The following DPYD variants were observed in gnomAD, a reference collection of about 807,000 sequenced individuals.
DPYD encodes the protein dihydropyrimidine dehydrogenase.
In DPYD, 109 loss-of-function variants were observed where a neutral mutation model predicts 116.2. That is an observed-to-expected ratio of 0.94 (90% CI 0.80 to 1.10). The LOEUF is 1.10. DPYD is among the 50% of genes least tolerant of loss of function. The pLI, the probability that DPYD is intolerant of heterozygous loss-of-function variation, is 0.00. For missense variants in DPYD, 1,302 were observed against 1,254.5 expected (o/e 1.04, Z -0.57); for synonymous variants, 440 against 432.0 (o/e 1.02, Z -0.23).
At chr1:97,327,746 C>T (rs1032029664) in intron 16 of DPYD, among the ~76,000 whole-genome samples, 1 of 151,192 alleles carries the variant, frequency 6.6e-6, no homozygotes, top group African/African-American at 2.4e-5. Context: ...ATAGATACAC[C>T]CTATTTTACT....
At chr1:97,330,644 G>T (rs915066870) in intron 16 of DPYD, among the ~76,000 whole-genome samples, 5 of 152,184 alleles carry the variant, frequency 3.3e-5, no homozygotes, top group African/African-American at 1.2e-4. Flanking sequence ...GGCAAGGGAT[G>T]AGGGGGTAGA....
chr1:97,140,002 T>C (rs1439601992), intron 20 of DPYD, among the ~76,000 whole-genome samples: 1 of 151,892 alleles, frequency 6.6e-6, no homozygotes, highest in Non-Finnish European at 1.5e-5. Context: ...GTGGGGTACT[T>C]GCCCAAAGAG....
At chr1:97,844,110 A>C (rs1670172058) in intron 2 of DPYD, among the ~76,000 whole-genome samples, 1 of 152,248 alleles carries the variant, frequency 6.6e-6, no homozygotes, top group African/African-American at 2.4e-5. Flanking sequence ...AAAGAGAGTC[A>C]GTATGCCTAA....
chr1:97,704,597 T>C (rs149120595), intron 5 of DPYD, among the ~76,000 whole-genome samples: 1 of 151,902 alleles, frequency 6.6e-6, no homozygotes, highest in Non-Finnish European at 1.5e-5. Context: ...CAACATAAAA[T>C]TACAAACAAA....
intron 10 of DPYD, among the ~76,000 whole-genome samples, chr1:97,581,718 C>T (rs1046405023): frequency 8.4e-5 from 12 of 143,004 alleles, no homozygotes; most frequent in Admixed American, 4.3e-4. Context: ...TGCATTCTGG[C>T]CTTGGTGACA....
At chr1:97,204,683 T>C (rs550139150) in intron 19 of DPYD, among the ~76,000 whole-genome samples, 43 of 152,276 alleles carry the variant, frequency 2.8e-4, no homozygotes, top group Non-Finnish European at 5.1e-4. Flanking sequence ...GTGATTCCCT[T>C]ACTCAGAGGG....
At chr1:97,774,292 T>G (rs1267550042) in intron 3 of DPYD, among the ~76,000 whole-genome samples, 2 of 152,334 alleles carry the variant, frequency 1.3e-5, no homozygotes, top group South Asian at 4.1e-4. Flanking sequence ...CTCTCTTTCC[T>G]GTGAGTAAAA....
chr1:97,185,652 C>T (rs1222492910), intron 20 of DPYD, among the ~76,000 whole-genome samples: 1 of 151,972 alleles, frequency 6.6e-6, no homozygotes, highest in Non-Finnish European at 1.5e-5. Context: ...TGAACTAATA[C>T]CTACAATAAT....
intron 3 of DPYD, among the ~76,000 whole-genome samples, chr1:97,756,944 GGT>G: frequency 6.6e-6 from 1 of 152,196 alleles, no homozygotes; most frequent in South Asian, 2.1e-4. Flanking sequence ...CACAGCATTA[GGT>G]GTCATCTCCG....
chr1:97,562,621 T>C (rs942319513), intron 11 of DPYD, among the ~76,000 whole-genome samples: 4 of 152,196 alleles, frequency 2.6e-5, no homozygotes, highest in Admixed American at 2.6e-4. Context: ...ACAATGGCAG[T>C]ATATTACATT....
intron 11 of DPYD, among the ~76,000 whole-genome samples, chr1:97,554,072 C>A (rs1354460286): frequency 2.0e-5 from 3 of 152,100 alleles, no homozygotes; most frequent in Non-Finnish European, 4.4e-5. Flanking sequence ...CAATTTAATG[C>A]TGTGCATGAA....
Position 97,327,653 on chromosome 1 carries a change from A to G in DPYD, c.2059-21356T>C, listed in dbSNP as rs1293911964. The stretch of plus-strand genomic sequence containing the variant: ...AGTTATATATCCTTCATTTTTATAT[A>G]AGGTGCATTCCCTATGTCACTAAGC... On this transcript the variant is annotated intron_variant, in intron 16 of 22. Transcript: ENST00000370192. 3.3e-5 allele frequency among the ~76,000 whole-genome samples: 5 copies of G among 152,012 alleles called. No homozygotes were observed. In the East Asian group the frequency reaches 9.6e-4, roughly 29 times the overall value.
intron 14 of DPYD, among the ~76,000 whole-genome samples, chr1:97,385,624 C>T (rs911991559): frequency 1.3e-5 from 2 of 151,924 alleles, no homozygotes; most frequent in Non-Finnish European, 2.9e-5. Context: ...TCTCATGCAA[C>T]TATGAAGTGG....
intron 14 of DPYD, among the ~76,000 whole-genome samples, chr1:97,418,363 C>A (rs536126293): frequency 6.7e-6 from 1 of 149,164 alleles, no homozygotes; most frequent in Non-Finnish European, 1.5e-5. Context: ...TGCAATGGTG[C>A]GACCTTGGCT....
chr1:97,413,232 T>G (rs1674106448), intron 14 of DPYD, among the ~76,000 whole-genome samples: 2 of 152,178 alleles, frequency 1.3e-5, no homozygotes, highest in Admixed American at 1.3e-4. Context: ...CTTGAGACCA[T>G]GCTGCGTTTT....
intron 3 of DPYD, among the ~76,000 whole-genome samples, chr1:97,808,236 G>T (rs376210847): frequency 6.6e-6 from 1 of 152,078 alleles, no homozygotes; most frequent in South Asian, 2.1e-4. Context: ...GAGTATTCCT[G>T]TCCAGAAACA....
At position 97,310,587 on chromosome 1, in the gene DPYD, G is replaced by A. The variant is rs59293956; in HGVS notation, c.2059-4290C>T. On this transcript the variant is annotated intron_variant, in intron 16 of 22. Transcript: ENST00000370192. The stretch of plus-strand genomic sequence containing the variant: ...AATGCAAAGACTATGTGTTGAAATG[G>A]AGATGTTTTTATTAACTATTTTTTA... Among the ~76,000 whole-genome samples, 416 of 151,844 alleles carry A rather than the reference G, an allele frequency of 2.7e-3. 2 individuals carry two copies. Among genetic ancestry groups the A allele is most frequent in the African/African-American group, 9.5e-3 (393 of 41,504 alleles).
At chr1:97,292,545 T>G (rs963710804) in intron 18 of DPYD, among the ~76,000 whole-genome samples, 2 of 152,118 alleles carry the variant, frequency 1.3e-5, no homozygotes, top group African/African-American at 4.8e-5. Flanking sequence ...CATGTGGGGA[T>G]TATGAGAACT....
At chr1:97,593,984 C>T (rs1654706870) in intron 9 of DPYD, among the ~76,000 whole-genome samples, 1 of 152,106 alleles carries the variant, frequency 6.6e-6, no homozygotes, top group Non-Finnish European at 1.5e-5. Context: ...GTTTGTGAAA[C>T]TGGGCAGTAA....
Sources: allele counts gnomAD v4.1 joint callset (sites outside exome capture counted in the v4.1 genomes callset), GRCh38; gene constraint gnomAD v4.1.1; transcripts MANE v1.5; gene names NCBI Gene and HGNC (gene_info 2026-07-23, HGNC 2026-07-21).